The following ZWILCH variants were observed in gnomAD, a reference collection of about 807,000 sequenced individuals.
ZWILCH encodes protein zwilch homolog.
In ZWILCH, 74 loss-of-function variants were observed where a neutral mutation model predicts 79.9. That is an observed-to-expected ratio of 0.93 (90% CI 0.77 to 1.12). The LOEUF is 1.12. Among genes scored for constraint, ZWILCH ranks in the 50% most tolerant of loss-of-function variants. The probability of loss-of-function intolerance (pLI) is 0.00; values close to 1 mark genes in which losing one functional copy is unlikely to be tolerated. For synonymous variants in ZWILCH, 241 were observed against 228.2 expected, an observed-to-expected ratio of 1.06 and a Z score of -0.51; for missense variants, 694 against 687.5, an observed-to-expected ratio of 1.01 and a Z score of -0.11.
intron 14 of ZWILCH, among the ~76,000 whole-genome samples, chr15:66,534,627 A>G (rs1894954256): frequency 6.6e-6 from 1 of 152,194 alleles, no homozygotes; most frequent in Non-Finnish European, 1.5e-5. Flanking sequence ...TTGTAACATA[A>G]TGGTATTTGT....
intron 18 of ZWILCH, chr15:66,547,993 G>A (rs1358076038): frequency 1.3e-5 from 2 of 152,242 alleles, no homozygotes; most frequent in East Asian, 1.9e-4. Flanking sequence ...AACCATGTTG[G>A]CCAGGCTGGT....
chr15:66,517,444 A>ATATATATG (rs1894319095), intron 4 of ZWILCH, among the ~76,000 whole-genome samples: 3 of 125,150 alleles, frequency 2.4e-5, no homozygotes, highest in African/African-American at 8.3e-5. Context: ...ATATATATAT[A>ATATATATG]TATATATATA....
At chr15:66,545,732 A>G (rs1192587668) in intron 17 of ZWILCH, among the ~76,000 whole-genome samples, 2 of 152,192 alleles carry the variant, frequency 1.3e-5, no homozygotes, top group Non-Finnish European at 2.9e-5. Flanking sequence ...CCAAAGCAAG[A>G]CCCATTTTCG....
chr15:66,538,115 G>T (rs926129071), intron 16 of ZWILCH, among the ~76,000 whole-genome samples: 4 of 152,146 alleles, frequency 2.6e-5, no homozygotes, highest in Non-Finnish European at 5.9e-5. Context: ...GGACACTGAG[G>T]TTGCCTCCAA....
intron 17 of ZWILCH, among the ~76,000 whole-genome samples, chr15:66,544,719 G>GTGTGTGTGTGTGT (rs1555426538): frequency 2.2e-5 from 1 of 44,806 alleles, no homozygotes; most frequent in East Asian, 1.4e-3. Flanking sequence ...TTGTTTTTTT[G>GTGTGTGTGTGTGT]GTTTTTGTGT....
At chr15:66,540,002 C>T (rs1895143104) in intron 16 of ZWILCH, 96 bp from the exon 17 acceptor site, 3 of 763,642 alleles carry the variant, frequency 3.9e-6, no homozygotes, top group Admixed American at 2.6e-5. Context: ...GTCCTCAGTG[C>T]TTATCACATG....
rs4489952 is a variant in ZWILCH at position 66,537,361 on chromosome 15, C to G, written c.1574+98C>G. On this transcript the variant is annotated intron_variant, in intron 16 of 18. Transcript: ENST00000307897. ...TAACTTGAGCTCAGGAGTTCGAGAC[C>G]AGCCTGGGCAACATAATGAGACCCT... The G allele has an allele frequency of 1.8e-5, 14 of 793,948 alleles. No individual in the cohort carries two copies. The East Asian group carries it at 3.7e-4, about 21-fold the overall frequency. The allele number at this position is 793,948 out of a possible 1,614,324, so 49.2% of individuals were successfully genotyped here.
intron 2 of ZWILCH, among the ~76,000 whole-genome samples, chr15:66,509,099 C>G (rs911366021): frequency 6.6e-6 from 1 of 152,124 alleles, no homozygotes; most frequent in Non-Finnish European, 1.5e-5. Flanking sequence ...GCCACCACGC[C>G]TGACTAATTT....
chr15:66,532,389 T>C lies in ZWILCH; in HGVS notation c.1298T>C (p.Ile433Thr). The change falls in exon 13 of 19, where the codon ATC becomes ACC. Residue 433 changes from isoleucine (I) to threonine (T), a missense_variant. Coordinates refer to ENST00000307897, the MANE Select transcript of ZWILCH (RefSeq NM_017975.5). Reference protein sequence around the residue: ...IGLDKLKKDYISFFIGQELAS... With the variant: ...IGLDKLKKDYTSFFIGQELAS... ...TTGGACAAACTAAAGAAAGATTATA[T>C]CAGTTTTTTCATAGGTAAGTATCTT... 6.2e-7 allele frequency: 1 copy of C among 1,607,044 alleles called. No individual in the cohort carries two copies. The highest frequency in any genetic ancestry group is 2.2e-5 in the East Asian group (1 of 44,560).
intron 10 of ZWILCH, among the ~76,000 whole-genome samples, chr15:66,528,342 A>G (rs1278815068): frequency 1.3e-5 from 2 of 152,196 alleles, no homozygotes; most frequent in African/African-American, 4.8e-5. Flanking sequence ...GGGCTCAAGC[A>G]ATCCACCTGC....
chr15:66,517,439 T>TATATATATAC (rs1894317933), intron 4 of ZWILCH, among the ~76,000 whole-genome samples: 2 of 134,382 alleles, frequency 1.5e-5, no homozygotes, highest in Non-Finnish European at 1.6e-5. Context: ...TGTATATATA[T>TATATATATAC]ATATATATAT....
At chr15:66,523,631 G>C in intron 7 of ZWILCH, 46 bp from the exon 8 acceptor site, 1 of 1,232,456 alleles carries the variant, frequency 8.1e-7, no homozygotes, top group Non-Finnish European at 1.2e-6. Context: ...ATGTAGAGAA[G>C]GTAGGATTAG....
intron 17 of ZWILCH, 79 bp downstream of exon 17, chr15:66,540,289 C>T (rs924858957): frequency 1.9e-5 from 22 of 1,184,302 alleles, no homozygotes; most frequent in East Asian, 1.1e-4. Context: ...CAGCGGCTCA[C>T]GCCTGTAATC....
intron 2 of ZWILCH, among the ~76,000 whole-genome samples, chr15:66,511,500 A>G (rs2140740941): frequency 6.6e-6 from 1 of 152,174 alleles, no homozygotes; most frequent in Non-Finnish European, 1.5e-5. Flanking sequence ...CTTCCAAAAA[A>G]AAAAAAAAAA....
intron 7 of ZWILCH, among the ~76,000 whole-genome samples, chr15:66,521,950 A>C (rs1894509584): frequency 6.6e-6 from 1 of 152,196 alleles, no homozygotes; most frequent in Admixed American, 6.5e-5. Flanking sequence ...CTATAATCCC[A>C]GCACTTTGGG....
chr15:66,523,651 A>G, intron 7 of ZWILCH, 26 bp from the exon 8 acceptor site: 1 of 1,556,492 alleles, frequency 6.4e-7, no homozygotes, highest in Non-Finnish European at 8.8e-7. Flanking sequence ...GCACTAGAAA[A>G]CTGACAGACT....
intron 2 of ZWILCH, among the ~76,000 whole-genome samples, chr15:66,511,939 T>C (rs963380762): frequency 1.3e-5 from 2 of 152,170 alleles, no homozygotes; most frequent in Non-Finnish European, 2.9e-5. Context: ...TATGTTGATA[T>C]AAGTGATGGA....
intron 14 of ZWILCH, 123 bp from the exon 15 acceptor site, chr15:66,535,807 GTCT>G (rs768766674): frequency 6.9e-5 from 49 of 708,180 alleles, no homozygotes; most frequent in Non-Finnish European, 8.5e-5. Flanking sequence ...GCTTCTTCTG[GTCT>G]TTTTTTTTTT....
At chr15:66,511,870 C>T (rs1894080024) in intron 2 of ZWILCH, among the ~76,000 whole-genome samples, 1 of 152,106 alleles carries the variant, frequency 6.6e-6, no homozygotes, top group Non-Finnish European at 1.5e-5. Flanking sequence ...CTGCCTCGGC[C>T]TCCCAAAGTG....
Sources: allele counts gnomAD v4.1 joint callset (sites outside exome capture counted in the v4.1 genomes callset), GRCh38; gene constraint gnomAD v4.1.1; transcripts MANE v1.5; gene names NCBI Gene and HGNC (gene_info 2026-07-23, HGNC 2026-07-21).